Variants in DNAH14 observed in about 807,000 individuals in gnomAD.
DNAH14 encodes axonemal beta dynein heavy chain 14.
In DNAH14, 478 loss-of-function variants were observed where a neutral mutation model predicts 520.9. The observed-to-expected ratio is 0.92, with a 90% CI of 0.85 to 0.99. DNAH14 has a LOEUF of 0.99. DNAH14 is among the 50% of genes least tolerant of loss of function. The pLI, the probability that DNAH14 is intolerant of heterozygous loss-of-function variation, is 0.00. For missense variants in DNAH14, 4,831 were observed against 5,234.5 expected (o/e 0.92, Z 2.38); for synonymous variants, 1,581 against 1,757.2 (o/e 0.90, Z 2.51).
intron 1 of DNAH14, among the ~76,000 whole-genome samples, chr1:224,941,058 G>A (rs1463989835): frequency 3.9e-5 from 6 of 152,094 alleles, no homozygotes; most frequent in African/African-American, 1.2e-4. Context: ...TGGGTCAAAT[G>A]GTATTTCTAG....
At chr1:225,292,813 C>T (rs76074254) in intron 55 of DNAH14, among the ~76,000 whole-genome samples, 5 of 151,982 alleles carry the variant, frequency 3.3e-5, no homozygotes, top group Non-Finnish European at 7.4e-5. Context: ...GTTCTTTCAT[C>T]TTCTTTGTTC....
At chr1:225,275,064 T>C (rs1013849489) in intron 52 of DNAH14, among the ~76,000 whole-genome samples, 2 of 152,226 alleles carry the variant, frequency 1.3e-5, no homozygotes, top group African/African-American at 2.4e-5. Flanking sequence ...GATTAAGATC[T>C]CACCTAAGGT....
At chr1:225,111,804 T>G (rs1345724785) in intron 23 of DNAH14, among the ~76,000 whole-genome samples, 1 of 152,094 alleles carries the variant, frequency 6.6e-6, no homozygotes, top group Non-Finnish European at 1.5e-5. Context: ...ATCTATTTTA[T>G]CTTTTTGGAT....
chr1:225,346,231 G>T lies in DNAH14; in HGVS notation c.10948G>T (p.Glu3650Ter). ...AGTAGTTTCCAAAAGCAAAGAACAAGAACATAGTTTTAAAAGGGAGAAAGT... is the reference window on the plus strand; with the variant it reads ...AGTAGTTTCCAAAAGCAAAGAACAATAACATAGTTTTAAAAGGGAGAAAGT... ...SSVVSKSKEQEHSFKREKVSP... is the reference protein window; with the variant it reads ...SSVVSKSKEQ The change falls in exon 70 of 86, where the codon GAA becomes TAA. Residue 3650 changes from glutamate (E) to a stop codon, truncating the protein, a stop_gained. Coordinates refer to ENST00000682510, the MANE Select transcript of DNAH14 (RefSeq NM_001367479.1). LOFTEE classifies it high-confidence loss of function. 1 of 1,551,558 alleles carries T rather than the reference G, an allele frequency of 6.4e-7. No homozygotes were observed. The highest frequency in any genetic ancestry group is 1.2e-5 in the South Asian group (1 of 84,050).
Position 225,380,240 on chromosome 1 carries a change from A to G in DNAH14, c.12798A>G (p.Glu4266=). 6.4e-7 allele frequency: 1 copy of G among 1,551,716 alleles called. No individual in the cohort carries two copies. Among genetic ancestry groups the G allele is most frequent in the Non-Finnish European group, 8.7e-7 (1 of 1,146,998 alleles). ...GGCTGCCACTGACAGTGGAGAAAGAAGAAATTGCTGTTGGAACTCCAAGCA... is the reference window on the plus strand; with the variant it reads ...GGCTGCCACTGACAGTGGAGAAAGAGGAAATTGCTGTTGGAACTCCAAGCA... The part of the protein sequence containing the change: ...LKRLPLTVEK[E]EIAVGTPSTL... The change falls in exon 80 of 86, where the codon GAA becomes GAG. Residue 4266 remains glutamate, a synonymous_variant. Coordinates refer to ENST00000682510, the MANE Select transcript of DNAH14 (RefSeq NM_001367479.1).
chr1:225,056,990 C>T (rs1311270978), intron 17 of DNAH14, among the ~76,000 whole-genome samples: 1 of 152,116 alleles, frequency 6.6e-6, no homozygotes, highest in Admixed American at 6.6e-5. Context: ...GTTCTTTTGA[C>T]TTAGGATTGA....
At chr1:224,933,189 T>C (rs2058805960) in intron 1 of DNAH14, among the ~76,000 whole-genome samples, 1 of 152,072 alleles carries the variant, frequency 6.6e-6, no homozygotes, top group Non-Finnish European at 1.5e-5. Context: ...TTTGTGGCTA[T>C]TGTAAATTAG....
Position 225,231,039 on chromosome 1 carries a change from G to A in DNAH14, c.6440-34G>A, listed in dbSNP as rs962026943. On this transcript the variant is annotated intron_variant, in intron 41 of 85. Coordinates refer to ENST00000682510, the MANE Select transcript of DNAH14 (RefSeq NM_001367479.1). ...TTACCAGATAAATTTTAGGTCTGTTGTTAATTATGGAAAAATACTCTTTCC... is the reference window on the plus strand; with the variant it reads ...TTACCAGATAAATTTTAGGTCTGTTATTAATTATGGAAAAATACTCTTTCC... 12 of 1,493,148 alleles carry A rather than the reference G, an allele frequency of 8.0e-6. No individual in the cohort carries two copies. The African/African-American group carries it at 1.4e-4, about 17-fold the overall frequency. The allele number at this position is 1,493,148 out of a possible 1,614,324, so 92.5% of individuals were successfully genotyped here.
intron 35 of DNAH14, among the ~76,000 whole-genome samples, 179 bp from the exon 36 acceptor site, chr1:225,167,760 T>A (rs999841793): frequency 6.6e-6 from 1 of 152,204 alleles, no homozygotes; most frequent in South Asian, 2.1e-4. Context: ...TGTATTTTTC[T>A]GCAGACAGTA....
chr1:225,012,932 G>C (rs2147922853), intron 10 of DNAH14, among the ~76,000 whole-genome samples: 1 of 152,266 alleles, frequency 6.6e-6, no homozygotes, highest in South Asian at 2.1e-4. Context: ...GGAGGAGTTT[G>C]TTATTACCCA....
intron 22 of DNAH14, among the ~76,000 whole-genome samples, chr1:225,099,734 G>A (rs1440594664): frequency 2.0e-5 from 3 of 152,172 alleles, no homozygotes; most frequent in East Asian, 3.9e-4. Context: ...GGTTGTAAGA[G>A]GTCAGCTGGC....
At chr1:225,066,754 T>C (rs58630611) in intron 17 of DNAH14, among the ~76,000 whole-genome samples, 8,378 of 152,086 alleles carry the variant, frequency 0.055, 468 homozygotes, top group East Asian at 0.24. Context: ...TGATATTTGG[T>C]TTTCCATTCC....
chr1:225,084,235 A>T (rs1312109583), intron 20 of DNAH14, among the ~76,000 whole-genome samples: 1 of 152,072 alleles, frequency 6.6e-6, no homozygotes, highest in East Asian at 1.9e-4. Context: ...TAATAATAGA[A>T]GGGATAAGGA....
At chr1:225,065,230 T>C (rs1399931628) in intron 17 of DNAH14, among the ~76,000 whole-genome samples, 1 of 151,968 alleles carries the variant, frequency 6.6e-6, no homozygotes, top group Non-Finnish European at 1.5e-5. Flanking sequence ...TACATTGTTG[T>C]ATATATTTAT....
At chr1:225,252,979 T>C (rs1201080452) in intron 44 of DNAH14, among the ~76,000 whole-genome samples, 5 of 152,130 alleles carry the variant, frequency 3.3e-5, no homozygotes, top group Admixed American at 6.5e-5. Context: ...TTAGAGTTCC[T>C]GCAAATATTA....
At chr1:225,195,797 A>G (rs368304620) in intron 38 of DNAH14, among the ~76,000 whole-genome samples, 3 of 152,110 alleles carry the variant, frequency 2.0e-5, no homozygotes, top group Admixed American at 6.6e-5. Context: ...AAAAAAAGTT[A>G]TAACAATGAT....
intron 81 of DNAH14, among the ~76,000 whole-genome samples, chr1:225,387,775 G>A (rs2150809091): frequency 6.6e-6 from 1 of 152,256 alleles, no homozygotes; most frequent in African/African-American, 2.4e-5. Context: ...CTCCAGAAGA[G>A]GGGACAGTAA....
chr1:225,010,022 A>G (rs982294204), intron 10 of DNAH14, among the ~76,000 whole-genome samples: 1 of 152,182 alleles, frequency 6.6e-6, no homozygotes, highest in African/African-American at 2.4e-5. Flanking sequence ...TTCTAAATAT[A>G]CGATCATGTC....
intron 27 of DNAH14, among the ~76,000 whole-genome samples, chr1:225,129,463 A>G (rs1473436439): frequency 6.6e-6 from 1 of 151,790 alleles, no homozygotes; most frequent in Non-Finnish European, 1.5e-5. Flanking sequence ...CTGGTACCAA[A>G]ACAGAGATAT....
Sources: gnomAD v4.1 joint callset for allele counts (sites outside exome capture counted in the v4.1 genomes callset) on GRCh38, gnomAD v4.1.1 for gene constraint, MANE v1.5 for transcripts, NCBI Gene and HGNC (gene_info 2026-07-23, HGNC 2026-07-21) for gene names.